Variants in TSNARE1 observed in about 807,000 individuals in gnomAD.
TSNARE1 encodes t-SNARE domain containing 1, also known as t-SNARE domain-containing protein 1.
TSNARE1 carries 49 observed loss-of-function variants against 62.0 expected under a neutral mutation model. The ratio of observed to expected loss-of-function variants is 0.79; its 90% confidence interval spans 0.63 to 1.00. The LOEUF is 1.00. TSNARE1 is among the 50% of genes least tolerant of loss of function. The probability of loss-of-function intolerance (pLI) is 0.00; values close to 1 mark genes in which losing one functional copy is unlikely to be tolerated. For synonymous variants in TSNARE1, 328 were observed against 294.4 expected (o/e 1.11, Z -1.17); for missense variants, 755 against 700.1 (o/e 1.08, Z -0.88).
At position 142,332,685 on chromosome 8, in the gene TSNARE1, G is replaced by A. The variant is rs577402976; in HGVS notation, c.746-854C>T. On this transcript the variant is annotated intron_variant, in intron 4 of 13. Transcript: ENST00000524325. ...TAAACGGCACGGCCACCATGGGAAG[G>A]GTCTGCAGGCTGCACACACTCGCCC... 9.2e-5 allele frequency among the ~76,000 whole-genome samples: 14 copies of A among 152,188 alleles called. No homozygotes were observed. In the South Asian group the frequency reaches 2.9e-3, roughly 32 times the overall value.
intron 12 of TSNARE1, chr8:142,270,421 G>T (rs1018784287): frequency 1.0e-6 from 1 of 984,600 alleles, no homozygotes; most frequent in African/African-American, 1.8e-5. Context: ...CTTTTTGCAA[G>T]AAAAATCTAC....
At chr8:142,398,809 G>A (rs956147994) in intron 1 of TSNARE1, among the ~76,000 whole-genome samples, 3 of 152,222 alleles carry the variant, frequency 2.0e-5, no homozygotes, top group Non-Finnish European at 4.4e-5. Context: ...AGACTGTCCT[G>A]CTTGCCTGCA....
At chr8:142,399,121 T>G (rs1201303125) in intron 1 of TSNARE1, among the ~76,000 whole-genome samples, 1 of 152,184 alleles carries the variant, frequency 6.6e-6, no homozygotes, top group Non-Finnish European at 1.5e-5. Context: ...TAAGGCATCT[T>G]CAGAAACCTA....
chr8:142,294,789 T>G lies in TSNARE1; in HGVS notation c.1290+5697A>C, dbSNP rs1055411708. 3.3e-5 allele frequency among the ~76,000 whole-genome samples: 5 copies of G among 152,234 alleles called. No homozygotes were observed. In the South Asian group the frequency reaches 6.2e-4, roughly 19 times the overall value. On this transcript the variant is annotated intron_variant, in intron 10 of 13. Coordinates refer to ENST00000524325, the MANE Select transcript of TSNARE1 (RefSeq NM_145003.5). ...CGGGCAGTGGCTCCTGGACACGACC[T>G]AATTAGATGCTCAGACACCTCCTCG...
chr8:142,263,982 T>C (rs949795521), intron 12 of TSNARE1, among the ~76,000 whole-genome samples: 22 of 152,240 alleles, frequency 1.4e-4, no homozygotes, highest in African/African-American at 5.1e-4. Context: ...TTTGGGTTCA[T>C]TCTGTTGTTC....
rs1196981291 is a variant in TSNARE1, at chr8:142,274,790, G to C, written c.1437C>G (p.Ser479Arg). 3 of 1,570,970 alleles carry C rather than the reference G, an allele frequency of 1.9e-6. No individual in the cohort carries two copies. The Admixed American group carries it at 5.4e-5, about 28-fold the overall frequency. Reference protein sequence around the residue: ...EAARQLLAGASRHQLQRHKIK... With the variant: ...EAARQLLAGARRHQLQRHKIK... The stretch of plus-strand genomic sequence containing the variant: ...CCTCACACGGACTTACTTGGTGCCG[G>C]CTGGCTCCAGCCAGGAGCTGGCGGG... The change falls in exon 12 of 14, where the codon AGC becomes AGG. Residue 479 changes from serine (S) to arginine (R), a missense_variant. Ser to Arg is a moderately radical substitution (Grantham distance 110). Coordinates refer to ENST00000524325, the MANE Select transcript of TSNARE1 (RefSeq NM_145003.5).
intron 7 of TSNARE1, among the ~76,000 whole-genome samples, chr8:142,318,180 G>A (rs575472016): frequency 1.4e-4 from 21 of 152,274 alleles, no homozygotes; most frequent in African/African-American, 5.1e-4. Context: ...GCAGCAGAGG[G>A]GCAGGGGATG....
At chr8:142,322,984 C>T (rs941307914) in intron 6 of TSNARE1, among the ~76,000 whole-genome samples, 3 of 151,604 alleles carry the variant, frequency 2.0e-5, no homozygotes, top group Non-Finnish European at 1.5e-5. Context: ...TTATGAAAGG[C>T]CGGTCTGGCC....
intron 1 of TSNARE1, among the ~76,000 whole-genome samples, chr8:142,388,176 AT>A (rs1837234162): frequency 6.6e-6 from 1 of 152,142 alleles, no homozygotes; most frequent in Non-Finnish European, 1.5e-5. Context: ...CCCATAGATG[AT>A]TTTTTAAAAA....
At chr8:142,387,946 T>A (rs1415610211) in intron 1 of TSNARE1, among the ~76,000 whole-genome samples, 1 of 152,136 alleles carries the variant, frequency 6.6e-6, no homozygotes, top group Non-Finnish European at 1.5e-5. Flanking sequence ...AAAAACAGTG[T>A]ACATACAAAA....
intron 1 of TSNARE1, among the ~76,000 whole-genome samples, chr8:142,357,677 G>A (rs554340065): frequency 6.6e-5 from 10 of 152,318 alleles, no homozygotes; most frequent in African/African-American, 9.6e-5. Flanking sequence ...GAGGGGAGCC[G>A]TGTGCAGGGA....
chr8:142,282,458 CAAAGG>C (rs1163692540), intron 11 of TSNARE1, among the ~76,000 whole-genome samples: 1 of 151,700 alleles, frequency 6.6e-6, no homozygotes, highest in Admixed American at 6.6e-5. Flanking sequence ...TATCAATGAG[CAAAGG>C]GGAGGCCACT....
intron 11 of TSNARE1, among the ~76,000 whole-genome samples, chr8:142,283,247 C>T (rs1475613672): frequency 2.7e-5 from 4 of 145,640 alleles, no homozygotes; most frequent in South Asian, 2.2e-4. Context: ...TGAGCAGAGG[C>T]GGGGTCAGTG....
chr8:142,238,316 C>T (rs1817534544), intron 12 of TSNARE1, among the ~76,000 whole-genome samples: 1 of 152,108 alleles, frequency 6.6e-6, no homozygotes, highest in South Asian at 2.1e-4. Flanking sequence ...TGGGCCACCA[C>T]CTGTCACCTC....
chr8:142,259,934 A>G (rs960264204), intron 12 of TSNARE1, among the ~76,000 whole-genome samples: 1 of 152,132 alleles, frequency 6.6e-6, no homozygotes, highest in Non-Finnish European at 1.5e-5. Flanking sequence ...GGAACAGGGC[A>G]GTGGTTCAGG....
At chr8:142,406,756 C>T (rs1280962139), upstream of TSNARE1, 1 of 152,216 alleles carries the variant, frequency 6.6e-6, no homozygotes, top group African/African-American at 2.4e-5. Flanking sequence ...TGGGCAGAAC[C>T]AAGGGCATGG....
chr8:142,374,233 A>C lies in TSNARE1; in HGVS notation c.-39-19470T>G, dbSNP rs11989571. The stretch of plus-strand genomic sequence containing the variant: ...GCAGGAGAATCGCTTGAACCCAGGG[A>C]GGCGGAGGTTGCAGTGAGCCGAGAT... On this transcript the variant is annotated intron_variant, in intron 1 of 13. Transcript: ENST00000524325. Among the ~76,000 whole-genome samples the C allele has an allele frequency of 6.9e-3, 1,042 of 151,862 alleles. 11 individuals carry two copies. Among genetic ancestry groups the C allele is most frequent in the African/African-American group, 0.024 (982 of 41,398 alleles).
At chr8:142,376,995 G>A (rs1242025778) in intron 1 of TSNARE1, among the ~76,000 whole-genome samples, 1 of 152,218 alleles carries the variant, frequency 6.6e-6, no homozygotes, top group Non-Finnish European at 1.5e-5. Flanking sequence ...TACTGGCAGA[G>A]CCCCACACCT....
chr8:142,273,269 C>G, intron 12 of TSNARE1: 1 of 985,408 alleles, frequency 1.0e-6, no homozygotes, highest in African/African-American at 1.7e-5. Flanking sequence ...CCAGGTGATC[C>G]CAGGGTGCTC....
Sources: gnomAD v4.1 joint callset for allele counts (sites outside exome capture counted in the v4.1 genomes callset) on GRCh38, gnomAD v4.1.1 for gene constraint, MANE v1.5 for transcripts, NCBI Gene and HGNC (gene_info 2026-07-23, HGNC 2026-07-21) for gene names.